IL5: variants seen among roughly 807,000 people sequenced by gnomAD.
The protein encoded by IL5 is interleukin-5.
In IL5, 12 loss-of-function variants were observed where a neutral mutation model predicts 16.3. That is an observed-to-expected ratio of 0.74 (90% CI 0.47 to 1.20). IL5 has a LOEUF of 1.20. Ranked by LOEUF, IL5 falls within the 50% of genes most tolerant of loss-of-function variation. The pLI, the probability that IL5 is intolerant of heterozygous loss-of-function variation, is 0.00. For synonymous variants in IL5, 54 were observed against 56.6 expected (o/e 0.95, Z 0.21); for missense variants, 159 against 153.9 (o/e 1.03, Z -0.17).
At chr5:132,556,632 A>C in intron 1 of IL5, 1 of 1,156,534 alleles carries the variant, frequency 8.6e-7, no homozygotes. Context: ...CGTTAGAGAG[A>C]GAATGAGAAT....
intron 1 of IL5, among the ~76,000 whole-genome samples, chr5:132,552,591 T>C (rs1749901554): frequency 2.0e-5 from 3 of 152,210 alleles, no homozygotes; most frequent in South Asian, 4.1e-4. Context: ...TCCATTTTTT[T>C]CCTTCAACTC....
intron 1 of IL5, among the ~76,000 whole-genome samples, chr5:132,550,136 A>C (rs1321325043): frequency 3.3e-5 from 5 of 152,106 alleles, no homozygotes; most frequent in Admixed American, 3.3e-4. Flanking sequence ...AGTTTCCATC[A>C]CCATTTCCCA....
At chr5:132,549,630 A>G (rs1256656098) in intron 1 of IL5, among the ~76,000 whole-genome samples, 2 of 152,230 alleles carry the variant, frequency 1.3e-5, no homozygotes, top group Admixed American at 6.5e-5. Context: ...ATTGGTGGGT[A>G]ACATCCATCC....
Position 132,541,506 on chromosome 5 carries a change from C to T in IL5, c.*305G>A. On this transcript the variant is annotated 3_prime_UTR_variant, in exon 4 of 4. Transcript: ENST00000231454. The stretch of plus-strand genomic sequence containing the variant: ...TAACATTAAATAAATACTAATTTAC[C>T]AAATTCTTAACCATTTCATAAATAC... The T allele has an allele frequency of 1.5e-5, 4 of 262,534 alleles. No homozygotes were observed. Among genetic ancestry groups the T allele is most frequent in the African/African-American group, 2.3e-5 (1 of 43,870 alleles). 16.3% of individuals were successfully genotyped at this position (262,534 alleles called of 1,614,324 possible).
rs1388195200 is a variant in IL5 at position 132,542,005 on chromosome 5, T to C, written c.306+10A>G. 1.9e-6 allele frequency: 3 copies of C among 1,613,742 alleles called. No individual in the cohort carries two copies. The African/African-American group carries it at 4.0e-5, about 22-fold the overall frequency. The stretch of plus-strand genomic sequence containing the variant: ...ACAAATATAGCTTCCATTGAATGTG[T>C]GTAACTTACTTTTTGGCCGTCAATG... On this transcript the variant is annotated intron_variant, in intron 3 of 3. Transcript: ENST00000231454.
At chr5:132,546,826 C>A (rs1360772892), upstream of IL5, among the ~76,000 whole-genome samples, 2 of 151,912 alleles carry the variant, frequency 1.3e-5, no homozygotes, top group Admixed American at 6.6e-5. Context: ...GAGATCGAGA[C>A]CATCCTGGCT....
chr5:132,546,066 A>ACAGAGGCTGTGGGTTG (rs1487321963), upstream of IL5, among the ~76,000 whole-genome samples: 1 of 151,982 alleles, frequency 6.6e-6, no homozygotes, highest in Non-Finnish European at 1.5e-5. Context: ...CCTCTGTTTT[A>ACAGAGGCTGTGGGTTG]CAGCAAAACT....
chr5:132,549,469 G>A (rs1049843204), intron 1 of IL5, among the ~76,000 whole-genome samples: 1 of 152,268 alleles, frequency 6.6e-6, no homozygotes, highest in East Asian at 1.9e-4. Flanking sequence ...AGAGACGGAG[G>A]CAATGTGAAC....
intron 3 of IL5, 46 bp from the exon 4 acceptor site, chr5:132,541,955 A>G: frequency 6.2e-7 from 1 of 1,612,080 alleles, no homozygotes; most frequent in South Asian, 1.1e-5. Flanking sequence ...GAAACTGTCA[A>G]TTCCATAGAA....
intron 1 of IL5, among the ~76,000 whole-genome samples, chr5:132,552,700 C>CAAAAT (rs1208641538): frequency 2.6e-5 from 4 of 152,078 alleles, no homozygotes; most frequent in Admixed American, 1.3e-4. Context: ...TCTTACATAG[C>CAAAAT]AAAATATTAT....
At chr5:132,542,264 T>C (rs2149822714) in intron 2 of IL5, 121 bp from the exon 3 acceptor site, 1 of 456,034 alleles carries the variant, frequency 2.2e-6, no homozygotes, top group Middle Eastern at 5.4e-4. Flanking sequence ...TAAATATATA[T>C]ACTTTTTAAT....
At chr5:132,556,814 GC>G in exon 1 of IL5, 1 of 1,201,848 alleles carries the variant, frequency 8.3e-7, no homozygotes, top group Non-Finnish European at 1.1e-6. Context: ...CCCATCCCCA[GC>G]AAAGATCCGG....
intron 1 of IL5, among the ~76,000 whole-genome samples, chr5:132,549,054 G>A (rs1749841011): frequency 6.6e-6 from 1 of 151,906 alleles, no homozygotes; most frequent in Non-Finnish European, 1.5e-5. Context: ...GGAAACTCAA[G>A]AAGTCTTTTT....
At chr5:132,550,138 C>T (rs1749860919) in intron 1 of IL5, among the ~76,000 whole-genome samples, 2 of 152,076 alleles carry the variant, frequency 1.3e-5, no homozygotes. Context: ...TTTCCATCAC[C>T]ATTTCCCAAC....
In IL5 at chr5:132,556,502, C is replaced by T. The variant is rs75840815; in HGVS notation, c.42+172G>A. On this transcript the variant is annotated intron_variant, in intron 1 of 2. Coordinates refer to the IL5 transcript ENST00000450655. ...CGTGAGTTATAATTATCAACATTTA[C>T]TCAATTAGAAATTAAAATTGGTATT... 693 of 216,244 alleles carry T rather than the reference C, an allele frequency of 3.2e-3. 7 individuals are homozygous for T. Among genetic ancestry groups the T allele is most frequent in the African/African-American group, 0.015 (654 of 42,382 alleles). The allele number at this position is 216,244 out of a possible 1,614,324, so 13.4% of individuals were successfully genotyped here.
intron 1 of IL5, among the ~76,000 whole-genome samples, chr5:132,555,269 T>C (rs778200405): frequency 1.3e-5 from 2 of 152,148 alleles, no homozygotes; most frequent in Non-Finnish European, 2.9e-5. Context: ...TTGAGGACAT[T>C]ATAAGTGAAA....
chr5:132,548,832 A>G (rs779068598), intron 1 of IL5, among the ~76,000 whole-genome samples: 22 of 152,212 alleles, frequency 1.4e-4, no homozygotes, highest in Non-Finnish European at 2.8e-4. Context: ...ATGTACATAT[A>G]GCTCATAATT....
At chr5:132,553,631 A>T (rs540809794) in intron 1 of IL5, among the ~76,000 whole-genome samples, 88 of 152,282 alleles carry the variant, frequency 5.8e-4, no homozygotes, top group Non-Finnish European at 1.0e-3. Context: ...TCTCCACAGT[A>T]TTCATTTAAA....
Position 132,541,769 on chromosome 5 carries a change from C to T in IL5, c.*42G>A. ...CTCATTCTCACTGCAGTAAAATGTC[C>T]TTCTCCTCCAAAATCTTTGGCTGCA... On this transcript the variant is annotated 3_prime_UTR_variant, in exon 4 of 4. Coordinates refer to ENST00000231454, the MANE Select transcript of IL5 (RefSeq NM_000879.3). 3 of 1,316,866 alleles carry T rather than the reference C, an allele frequency of 2.3e-6. No individual in the cohort carries two copies. The highest frequency in any genetic ancestry group is 3.3e-6 in the Non-Finnish European group (3 of 915,940). The allele number at this position is 1,316,866 out of a possible 1,614,324, so 81.6% of individuals were successfully genotyped here.
Sources: allele counts gnomAD v4.1 joint callset (sites outside exome capture counted in the v4.1 genomes callset), GRCh38; gene constraint gnomAD v4.1.1; transcripts MANE v1.5; gene names NCBI Gene and HGNC (gene_info 2026-07-23, HGNC 2026-07-21).